CDKL5: variants seen among roughly 807,000 people sequenced by gnomAD.
CDKL5 encodes the protein cyclin dependent kinase like 5, also known as cyclin-dependent kinase-like 5.
CDKL5 carries 8 observed loss-of-function variants against 61.7 expected under a neutral mutation model. The observed-to-expected ratio is 0.13, with a 90% CI of 0.08 to 0.23. The LOEUF (loss-of-function observed/expected upper bound fraction) is 0.23. CDKL5 is among the 10% of genes least tolerant of loss of function. The pLI, the probability that CDKL5 is intolerant of heterozygous loss-of-function variation, is 1.00. For missense variants in CDKL5, 440 were observed against 734.5 expected (o/e 0.60, Z 4.63); for synonymous variants, 275 against 272.3 (o/e 1.01, Z -0.10).
intron 11 of CDKL5, among the ~76,000 whole-genome samples, 184 bp downstream of exon 11, chrX:18,598,797 T>G (rs960261300): frequency 1.8e-5 from 2 of 112,500 alleles, no homozygotes; most frequent in Non-Finnish European, 3.8e-5. Flanking sequence ...TCTTAAAGAC[T>G]TTCTTATCTT....
Position 18,628,667 on chromosome X carries a change from T to C in CDKL5, c.2793T>C (p.Gly931=). The change falls in exon 18 of 18, where the codon GGT becomes GGC. Residue 931 remains glycine (G), a synonymous_variant. Transcript: ENST00000623535. ...TEGPSYSEQL[G]AKSGPNGHPY... ...GCCCTTCCTACTCTGAACAGCTGGG[T>C]GCCAAAAGTGGGCCAAATGGGCACC... 2 of 1,204,389 alleles carry C rather than the reference T, an allele frequency of 1.7e-6. No individual in the cohort carries two copies. The highest frequency in any genetic ancestry group is 2.2e-6 in the Non-Finnish European group (2 of 891,665).
chrX:18,567,097 T>C (rs1435616400), intron 4 of CDKL5, among the ~76,000 whole-genome samples: 1 of 112,226 alleles, frequency 8.9e-6, no homozygotes, highest in Non-Finnish European at 1.9e-5. Context: ...GAGATACTAG[T>C]ACTCTCTTTT....
intron 9 of CDKL5, among the ~76,000 whole-genome samples, chrX:18,589,984 G>A (rs1230325437): frequency 1.8e-5 from 2 of 111,972 alleles, no homozygotes; most frequent in African/African-American, 3.2e-5. Context: ...TGATGGAGTA[G>A]TTTGATTTTT....
chrX:18,555,113 G>A (rs2062715118), intron 3 of CDKL5, among the ~76,000 whole-genome samples: 2 of 110,886 alleles, frequency 1.8e-5, no homozygotes, highest in African/African-American at 3.3e-5. Flanking sequence ...CTTACCCTTA[G>A]CACTTTTGAC....
At chrX:18,466,080 T>C (rs1309326939) in intron 1 of CDKL5, among the ~76,000 whole-genome samples, 1 of 112,045 alleles carries the variant, frequency 8.9e-6, no homozygotes, top group Non-Finnish European at 1.9e-5. Context: ...TTTTCTATTG[T>C]GTACAATCTG....
chrX:18,565,739 A>G (rs1232168134), intron 4 of CDKL5, among the ~76,000 whole-genome samples: 1 of 112,637 alleles, frequency 8.9e-6, no homozygotes, highest in Non-Finnish European at 1.9e-5. Flanking sequence ...TATATGAAAC[A>G]CATGCATATC....
At chrX:18,553,554 G>C (rs774462059) in intron 3 of CDKL5, among the ~76,000 whole-genome samples, 1 of 109,160 alleles carries the variant, frequency 9.2e-6, no homozygotes, top group Admixed American at 9.8e-5. Flanking sequence ...GTGCAGTGGC[G>C]TGATCTTGGC....
intron 12 of CDKL5, among the ~76,000 whole-genome samples, chrX:18,605,312 A>T (rs1926326450): frequency 8.9e-6 from 1 of 112,256 alleles, no homozygotes; most frequent in Non-Finnish European, 1.9e-5. Context: ...ATTTTAACTG[A>T]ATTTAAAAGT....
intron 1 of CDKL5, among the ~76,000 whole-genome samples, chrX:18,449,654 C>T (rs1323203280): frequency 8.9e-6 from 1 of 112,709 alleles, no homozygotes; most frequent in Non-Finnish European, 1.9e-5. Flanking sequence ...ATGGTTTCTC[C>T]TTATTGTTTT....
chrX:18,548,133 GT>G lies in CDKL5; in HGVS notation c.100-16330del, dbSNP rs771622672. On this transcript the variant is annotated intron_variant, in intron 3 of 17. Coordinates refer to ENST00000623535, the MANE Select transcript of CDKL5 (RefSeq NM_001323289.2). Reference sequence around the variant, plus strand: ...AGGGGTGTTTGTAATGAGCTAGAAAGTTTTTTTTTTTTTTAAATAAGGGAAG... The same window carrying G: ...AGGGGTGTTTGTAATGAGCTAGAAAGTTTTTTTTTTTTTAAATAAGGGAAG... 6.8e-3 allele frequency among the ~76,000 whole-genome samples: 675 copies of G among 99,778 alleles called. 4 individuals are homozygous for G. Among genetic ancestry groups the G allele is most frequent in the African/African-American group, 0.021 (570 of 27,718 alleles). The allele number at this position is 99,778 out of a possible 115,157, so 86.6% of individuals were successfully genotyped here.
chrX:18,641,796 C>G (rs932342803), downstream of CDKL5: 12 of 427,306 alleles, frequency 2.8e-5, no homozygotes, highest in Non-Finnish European at 4.8e-5. Context: ...TTCTGACTTT[C>G]TCTGGCCCTG....
At chrX:18,522,502 G>A (rs1027599526) in intron 3 of CDKL5, among the ~76,000 whole-genome samples, 4 of 106,162 alleles carry the variant, frequency 3.8e-5, no homozygotes, top group African/African-American at 1.4e-4. Context: ...GCACCACCAC[G>A]CCCAGCTAAT....
intron 3 of CDKL5, among the ~76,000 whole-genome samples, chrX:18,551,203 T>C (rs921413716): frequency 1.8e-5 from 2 of 111,508 alleles, no homozygotes; most frequent in Non-Finnish European, 3.8e-5. Flanking sequence ...CATAGGGTAG[T>C]AAATTTATAT....
chrX:18,445,965 CA>C (rs762642928), intron 1 of CDKL5, among the ~76,000 whole-genome samples: 2 of 110,575 alleles, frequency 1.8e-5, no homozygotes, highest in African/African-American at 6.6e-5. Flanking sequence ...AGGTGTTTAT[CA>C]TATGAAGAAT....
intron 15 of CDKL5, among the ~76,000 whole-genome samples, chrX:18,615,144 T>C (rs1926677522): frequency 8.9e-6 from 1 of 112,167 alleles, no homozygotes; most frequent in African/African-American, 3.2e-5. Flanking sequence ...ATTGCTGTTA[T>C]GAGACTTGAG....
At chrX:18,461,390 A>G (rs1052421097) in intron 1 of CDKL5, among the ~76,000 whole-genome samples, 2 of 112,749 alleles carry the variant, frequency 1.8e-5, no homozygotes, top group Admixed American at 1.9e-4. Context: ...ATTAATTACC[A>G]AACATCACAG....
intron 1 of CDKL5, among the ~76,000 whole-genome samples, chrX:18,471,832 C>T (rs916397887): frequency 6.3e-5 from 7 of 111,463 alleles, no homozygotes; most frequent in African/African-American, 2.0e-4. Context: ...CAGCTCTTCC[C>T]GGGTTGAAGC....
intron 3 of CDKL5, among the ~76,000 whole-genome samples, chrX:18,537,605 C>T (rs919895497): frequency 8.9e-6 from 1 of 111,882 alleles, no homozygotes; most frequent in Non-Finnish European, 1.9e-5. Flanking sequence ...AGCTACAGAA[C>T]GGTTTTATCA....
rs919190510 is a variant in CDKL5 at position 18,482,430 on chromosome X, T to C, written c.-162-24505T>C. Among the ~76,000 whole-genome samples the C allele has an allele frequency of 2.7e-5, 3 of 112,081 alleles. No individual in the cohort carries two copies. In the East Asian group the frequency reaches 8.4e-4, roughly 31 times the overall value. On this transcript the variant is annotated intron_variant, in intron 1 of 17. Coordinates refer to ENST00000623535, the MANE Select transcript of CDKL5 (RefSeq NM_001323289.2). The stretch of plus-strand genomic sequence containing the variant: ...TAGACACTAACTCACCTCTTCTCTT[T>C]GTATTTTATCTTTTGAGAATGAAGC...
Sources: gnomAD v4.1 joint callset for allele counts (sites outside exome capture counted in the v4.1 genomes callset) on GRCh38, gnomAD v4.1.1 for gene constraint, MANE v1.5 for transcripts, NCBI Gene and HGNC (gene_info 2026-07-23, HGNC 2026-07-21) for gene names.